CRTAC1: variants seen among roughly 807,000 people sequenced by gnomAD.
The protein encoded by CRTAC1 is acidic secreted protein in cartilage.
In CRTAC1, 37 loss-of-function variants were observed where a neutral mutation model predicts 67.8. The observed-to-expected ratio is 0.55, with a 90% CI of 0.42 to 0.72. The LOEUF (loss-of-function observed/expected upper bound fraction) is 0.72, where lower values mean the gene tolerates loss of function less well. Among genes scored for constraint, CRTAC1 ranks in the 30% least tolerant of loss-of-function variants. The pLI, the probability that CRTAC1 is intolerant of heterozygous loss-of-function variation, is 0.00. For missense variants in CRTAC1, 780 were observed against 931.6 expected (o/e 0.84, Z 2.12); for synonymous variants, 348 against 371.0 (o/e 0.94, Z 0.71).
intron 1 of CRTAC1, among the ~76,000 whole-genome samples, chr10:98,026,490 C>G (rs1843235021): frequency 1.3e-5 from 2 of 152,156 alleles, no homozygotes; most frequent in South Asian, 4.1e-4. Context: ...TGGTCTTATC[C>G]AGAACCAGAA....
At chr10:97,976,162 C>T (rs780065017) in intron 2 of CRTAC1, among the ~76,000 whole-genome samples, 3 of 152,208 alleles carry the variant, frequency 2.0e-5, no homozygotes, top group Non-Finnish European at 4.4e-5. Flanking sequence ...CTCCAAAGCC[C>T]ACAGCGAGGA....
intron 14 of CRTAC1, among the ~76,000 whole-genome samples, chr10:97,874,576 C>A (rs552512490): frequency 1.3e-5 from 2 of 152,078 alleles, no homozygotes; most frequent in African/African-American, 4.8e-5. Context: ...CAGGGTGTAC[C>A]GGGAAGCACA....
At chr10:98,013,351 T>A (rs1044266231) in intron 1 of CRTAC1, among the ~76,000 whole-genome samples, 1 of 152,192 alleles carries the variant, frequency 6.6e-6, no homozygotes, top group Non-Finnish European at 1.5e-5. Context: ...CCCATTCAGG[T>A]AATATGAGCC....
chr10:98,012,339 C>G (rs1336106372), intron 1 of CRTAC1, among the ~76,000 whole-genome samples: 1 of 151,522 alleles, frequency 6.6e-6, no homozygotes, highest in East Asian at 1.9e-4. Context: ...AAGGGAGACA[C>G]TTGGAACGCT....
Position 97,904,747 on chromosome 10 carries a change from C to T in CRTAC1, c.918G>A (p.Val306=). Residue 306 remains valine (V), a synonymous_variant, in exon 7 of 15, where the codon GTG becomes GTA. Transcript: ENST00000370597. The part of the protein sequence containing the change: ...ALADFNRDGK[V]DIVYGNWNGP... ...CATTCCAGTTGCCATAGACGATGTCCACTTTGCCATCACGGTTGAAGTCAG... is the reference window on the plus strand; with the variant it reads ...CATTCCAGTTGCCATAGACGATGTCTACTTTGCCATCACGGTTGAAGTCAG... The T allele has an allele frequency of 2.5e-6, 4 of 1,608,148 alleles. No homozygotes were observed. The highest frequency in any genetic ancestry group is 2.2e-5 in the South Asian group (2 of 90,014).
rs1843355763 is a variant in CRTAC1 at position 98,030,560 on chromosome 10, C to T, written c.-88G>A. 2.1e-6 allele frequency: 2 copies of T among 963,102 alleles called. No homozygotes were observed. The highest frequency in any genetic ancestry group is 1.1e-4 in the South Asian group (2 of 19,036). The allele number at this position is 963,102 out of a possible 1,614,324, so 59.7% of individuals were successfully genotyped here. ...CGCCGGCGCCGCCGCCTGCTTGCTC[C>T]CAGCCCCGGTCCCGGGCTGGCCTCG... On this transcript the variant is annotated 5_prime_UTR_variant, in exon 1 of 15. Transcript: ENST00000370597. This position sits in a 1 kb window ranked among gnomAD's most constrained non-coding sequence, Gnocchi z 4.2.
intron 8 of CRTAC1, among the ~76,000 whole-genome samples, chr10:97,898,755 A>T (rs1202510652): frequency 2.6e-5 from 4 of 152,142 alleles, no homozygotes; most frequent in Non-Finnish European, 4.4e-5. Flanking sequence ...GTGGGAGACC[A>T]GGAGTGGTGT....
chr10:97,887,493 C>T (rs2050303750), intron 11 of CRTAC1, among the ~76,000 whole-genome samples: 1 of 152,178 alleles, frequency 6.6e-6, no homozygotes, highest in Non-Finnish European at 1.5e-5. Context: ...TCCACCCAGC[C>T]TCGGCCTCCC....
chr10:98,007,443 G>GA (rs1842813219), intron 2 of CRTAC1, among the ~76,000 whole-genome samples: 1 of 152,174 alleles, frequency 6.6e-6, no homozygotes, highest in Non-Finnish European at 1.5e-5. Context: ...ACTCAAATTA[G>GA]AATGTGTCTT....
At chr10:97,954,834 C>A (rs2051416454) in intron 2 of CRTAC1, among the ~76,000 whole-genome samples, 2 of 152,176 alleles carry the variant, frequency 1.3e-5, no homozygotes, top group African/African-American at 4.8e-5. Context: ...CCTTTTCTAC[C>A]TTCTGGGGGC....
At chr10:97,929,374 C>T (rs894757779) in intron 3 of CRTAC1, among the ~76,000 whole-genome samples, 1 of 152,134 alleles carries the variant, frequency 6.6e-6, no homozygotes, top group Admixed American at 6.5e-5. Context: ...GCACCTAGAG[C>T]CACTGGGAGC....
At chr10:97,964,699 C>A (rs1282582491) in intron 2 of CRTAC1, among the ~76,000 whole-genome samples, 1 of 152,172 alleles carries the variant, frequency 6.6e-6, no homozygotes, top group Non-Finnish European at 1.5e-5. Context: ...CCTTATTAGG[C>A]CGTATAAAGG....
chr10:97,966,359 C>G (rs1033516597), intron 2 of CRTAC1, among the ~76,000 whole-genome samples: 37 of 152,376 alleles, frequency 2.4e-4, no homozygotes, highest in African/African-American at 8.7e-4. Context: ...GTCTGCCCCC[C>G]TCAGCCTCCC....
At position 97,957,752 on chromosome 10, in the gene CRTAC1, T is replaced by C. The variant is rs139292303; in HGVS notation, c.225-21386A>G. On this transcript the variant is annotated intron_variant, in intron 2 of 14. Coordinates refer to ENST00000370597, the MANE Select transcript of CRTAC1 (RefSeq NM_018058.7). ...GTCCTCTGGCATTGTCTGTGTATCA[T>C]ACTGGAATGCAATGGACCCTCCATC... Among the ~76,000 whole-genome samples the C allele has an allele frequency of 4.5e-3, 687 of 152,206 alleles. 1 individual carries two copies. The highest frequency in any genetic ancestry group is 7.6e-3 in the Non-Finnish European group (518 of 67,998).
Position 97,954,102 on chromosome 10 carries a change from C to A in CRTAC1, c.225-17736G>T, listed in dbSNP as rs868124213. Among the ~76,000 whole-genome samples the A allele has an allele frequency of 2.0e-5, 3 of 152,264 alleles. No individual in the cohort carries two copies. In the South Asian group the frequency reaches 6.2e-4, roughly 32 times the overall value. On this transcript the variant is annotated intron_variant, in intron 2 of 14. Transcript: ENST00000370597. ...AGCTGAGGAGCGTGGCAAGACCCTG[C>A]AGAACCCCAGACCCCACAAGGCTCC...
At chr10:97,976,353 ATCCCAGCTCCCCATAGGGTAGTATTTGG>A (rs1476791698) in intron 2 of CRTAC1, among the ~76,000 whole-genome samples, 4 of 152,202 alleles carry the variant, frequency 2.6e-5, no homozygotes, top group African/African-American at 9.6e-5. Context: ...CTGGGTTCAA[ATCCCAGCTCCCCATAGGGTAGTATTTGG>A]CCTGAGGCAG....
chr10:97,946,481 TA>T (rs1309145789), intron 2 of CRTAC1, among the ~76,000 whole-genome samples: 1 of 152,120 alleles, frequency 6.6e-6, no homozygotes, highest in Non-Finnish European at 1.5e-5. Context: ...AGTTTGCATG[TA>T]AAAAACCCCA....
chr10:97,911,328 C>G (rs1354810188), intron 5 of CRTAC1, among the ~76,000 whole-genome samples: 1 of 152,236 alleles, frequency 6.6e-6, no homozygotes, highest in East Asian at 1.9e-4. Context: ...GGACAAATTT[C>G]TAAATCTTTC....
intron 11 of CRTAC1, among the ~76,000 whole-genome samples, chr10:97,894,771 G>C (rs1298684748): frequency 1.3e-5 from 1 of 74,414 alleles, no homozygotes; most frequent in African/African-American, 4.4e-5. Context: ...TATATGATAG[G>C]ATTTTGTCAT....
Sources: allele counts gnomAD v4.1 joint callset (sites outside exome capture counted in the v4.1 genomes callset), GRCh38; gene constraint gnomAD v4.1.1; non-coding constraint Gnocchi (gnomAD v3.1); transcripts MANE v1.5; gene names NCBI Gene and HGNC (gene_info 2026-07-23, HGNC 2026-07-21).